NPAS3: variants seen among roughly 807,000 people sequenced by gnomAD.
The protein encoded by NPAS3 is neuronal PAS domain-containing protein 3.
A neutral mutation model predicts 73.1 loss-of-function variants in NPAS3; 14 were observed. That is an observed-to-expected ratio of 0.19 (90% CI 0.13 to 0.30). NPAS3 has a LOEUF of 0.30. Ranked by LOEUF, NPAS3 falls within the 10% of genes least tolerant of loss-of-function variation. NPAS3 has a pLI of 1.00. For missense variants in NPAS3, 1,096 were observed against 1,250.0 expected (o/e 0.88, Z 1.86); for synonymous variants, 620 against 541.5 (o/e 1.14, Z -2.01).
At chr14:33,252,474 T>C (rs977112015) in intron 3 of NPAS3, among the ~76,000 whole-genome samples, 8 of 152,044 alleles carry the variant, frequency 5.3e-5, no homozygotes, top group Admixed American at 4.6e-4. Flanking sequence ...TTCTTATATA[T>C]GTTATCTTAA....
At chr14:33,112,891 C>T (rs1365639703) in intron 2 of NPAS3, among the ~76,000 whole-genome samples, 2 of 152,264 alleles carry the variant, frequency 1.3e-5, no homozygotes, top group East Asian at 3.9e-4. Flanking sequence ...ATATGGCTAG[C>T]CAGTTTTCCC....
At chr14:32,972,911 A>G (rs78870307) in intron 1 of NPAS3, among the ~76,000 whole-genome samples, 2,113 of 152,338 alleles carry the variant, frequency 0.014, 53 homozygotes, top group African/African-American at 0.042. Context: ...GACAACCGCT[A>G]CTGTACCTGA....
chr14:33,735,152 G>C (rs763258539), intron 6 of NPAS3, 62 bp from the exon 7 acceptor site: 9 of 1,159,808 alleles, frequency 7.8e-6, no homozygotes, highest in Non-Finnish European at 1.0e-5. Context: ...CACCTGAGCT[G>C]TAGCTGTGAG....
intron 2 of NPAS3, among the ~76,000 whole-genome samples, chr14:33,187,817 A>G (rs913876933): frequency 6.6e-6 from 1 of 152,188 alleles, no homozygotes; most frequent in Non-Finnish European, 1.5e-5. Flanking sequence ...TAGGTGCTTT[A>G]TATATTTTTA....
chr14:33,498,277 A>G (rs761002348), intron 4 of NPAS3, among the ~76,000 whole-genome samples: 14 of 152,196 alleles, frequency 9.2e-5, no homozygotes, highest in Non-Finnish European at 1.9e-4. Context: ...TGTGGAAGAC[A>G]GTGTGGCGAT....
At chr14:33,021,517 G>A (rs1269323275) in intron 1 of NPAS3, among the ~76,000 whole-genome samples, 2 of 152,050 alleles carry the variant, frequency 1.3e-5, no homozygotes, top group Non-Finnish European at 2.9e-5. Context: ...GACACATTTG[G>A]TTTGGGCTGT....
At chr14:33,774,773 G>A (rs2062761008) in intron 8 of NPAS3, among the ~76,000 whole-genome samples, 1 of 152,170 alleles carries the variant, frequency 6.6e-6, no homozygotes, top group Non-Finnish European at 1.5e-5. Flanking sequence ...ATGCTATAAA[G>A]AAGGTCCATT....
intron 2 of NPAS3, among the ~76,000 whole-genome samples, chr14:33,209,525 G>T (rs1244553838): frequency 6.6e-6 from 1 of 152,204 alleles, no homozygotes; most frequent in Non-Finnish European, 1.5e-5. Flanking sequence ...GATCTGACAA[G>T]TATGCAGGTG....
At chr14:33,712,875 A>G (rs1410648389) in intron 6 of NPAS3, among the ~76,000 whole-genome samples, 1 of 152,230 alleles carries the variant, frequency 6.6e-6, no homozygotes, top group Non-Finnish European at 1.5e-5. Context: ...TCCGAAAGCT[A>G]GGCTCTTTAC....
At chr14:33,043,339 A>G (rs1288507732) in intron 1 of NPAS3, among the ~76,000 whole-genome samples, 3 of 152,172 alleles carry the variant, frequency 2.0e-5, no homozygotes, top group Admixed American at 2.0e-4. Flanking sequence ...AATTCTCCTT[A>G]GTAGTAATCC....
rs143348168 is a variant in NPAS3 at position 33,103,079 on chromosome 14, G to A, written c.140+47085G>A. Among the ~76,000 whole-genome samples the A allele has an allele frequency of 8.7e-3, 1,322 of 152,268 alleles. 6 individuals are homozygous for A. Among genetic ancestry groups the A allele is most frequent in the Admixed American group, 0.016 (241 of 15,298 alleles). On this transcript the variant is annotated intron_variant, in intron 2 of 11. Transcript: ENST00000356141. ...ATAAGGAATTTAAGTTAAAAGAAAA[G>A]TATACATACCAATACCTTATGAGGA... is the stretch of plus-strand genomic sequence containing the variant.
At chr14:33,173,397 T>A (rs2045467448) in intron 2 of NPAS3, among the ~76,000 whole-genome samples, 1 of 152,154 alleles carries the variant, frequency 6.6e-6, no homozygotes, top group Admixed American at 6.5e-5. Flanking sequence ...CTGGAAAATA[T>A]CAATGGTATA....
At chr14:33,511,338 AT>A (rs1314802470) in intron 4 of NPAS3, among the ~76,000 whole-genome samples, 1 of 152,092 alleles carries the variant, frequency 6.6e-6, no homozygotes, top group Non-Finnish European at 1.5e-5. Flanking sequence ...TGTATTATAC[AT>A]TATACAACTT....
chr14:33,565,744 C>T (rs1004363445), intron 5 of NPAS3, among the ~76,000 whole-genome samples: 1 of 152,128 alleles, frequency 6.6e-6, no homozygotes, highest in Non-Finnish European at 1.5e-5. Context: ...AGAGGGATTA[C>T]AATGATGGAG....
intron 2 of NPAS3, among the ~76,000 whole-genome samples, chr14:33,190,671 G>A (rs570685464): frequency 1.3e-5 from 2 of 152,148 alleles, no homozygotes; most frequent in Non-Finnish European, 2.9e-5. Context: ...TGCCTTCCTA[G>A]TCATACCAGA....
At chr14:33,028,048 T>G (rs1306514434) in intron 1 of NPAS3, among the ~76,000 whole-genome samples, 1 of 152,192 alleles carries the variant, frequency 6.6e-6, no homozygotes, top group African/African-American at 2.4e-5. Flanking sequence ...AAAATGTCAC[T>G]TTTTTATGAA....
chr14:33,756,258 G>A (rs1367768803), intron 7 of NPAS3, among the ~76,000 whole-genome samples: 1 of 152,194 alleles, frequency 6.6e-6, no homozygotes, highest in Non-Finnish European at 1.5e-5. Flanking sequence ...AGAGGGCCCA[G>A]ATGAGCCAAA....
chr14:33,752,474 T>TA lies in NPAS3; in HGVS notation c.852+17150dup, dbSNP rs199934050. ...TTGGCTCTTTTTCATGTGCAAAAGC[T>TA]AAAAAAAAGAACTGGACCAAGTTGG... On this transcript the variant is annotated intron_variant, in intron 7 of 11. Transcript: ENST00000356141. Among the ~76,000 whole-genome samples the TA allele has an allele frequency of 4.7e-3, 707 of 152,010 alleles. 2 individuals are homozygous for TA. The highest frequency in any genetic ancestry group is 0.011 in the East Asian group (59 of 5,168).
intron 7 of NPAS3, among the ~76,000 whole-genome samples, chr14:33,739,208 G>C (rs935146789): frequency 1.3e-5 from 2 of 152,192 alleles, no homozygotes; most frequent in Admixed American, 1.3e-4. Flanking sequence ...TGGAGTTCCT[G>C]CTATGACATA....
Sources: gnomAD v4.1 joint callset for allele counts (sites outside exome capture counted in the v4.1 genomes callset) on GRCh38, gnomAD v4.1.1 for gene constraint, MANE v1.5 for transcripts, NCBI Gene and HGNC (gene_info 2026-07-23, HGNC 2026-07-21) for gene names.